The following CIITA variants were observed in gnomAD, a reference collection of about 807,000 sequenced individuals.
CIITA encodes the protein class II major histocompatibility complex transactivator.
In CIITA, 72 loss-of-function variants were observed where a neutral mutation model predicts 115.1. That is an observed-to-expected ratio of 0.63 (90% CI 0.52 to 0.76). The LOEUF (loss-of-function observed/expected upper bound fraction) is 0.76. Among genes scored for constraint, CIITA ranks in the 30% least tolerant of loss-of-function variants. The pLI is 0.00. For synonymous variants in CIITA, 763 were observed against 635.6 expected, an observed-to-expected ratio of 1.20 and a Z score of -3.02; for missense variants, 1,617 against 1,463.8, an observed-to-expected ratio of 1.10 and a Z score of -1.71.
At chr16:10,893,804 T>TAAAAA (rs71136603) in intron 1 of CIITA, among the ~76,000 whole-genome samples, 393 of 32,152 alleles carry the variant, frequency 0.012, 47 homozygotes, top group African/African-American at 0.029. Context: ...GACTCCGTCT[T>TAAAAA]AAAAAAAAAA....
intron 10 of CIITA, among the ~76,000 whole-genome samples, chr16:10,905,957 C>A (rs752539791): frequency 3.9e-5 from 6 of 152,090 alleles, no homozygotes; most frequent in African/African-American, 1.2e-4. Flanking sequence ...GAGGCCAAGG[C>A]GGAACGATTG....
At chr16:10,909,213 G>C (rs545038234) in intron 12 of CIITA, 26 bp downstream of exon 12, 3 of 1,612,236 alleles carry the variant, frequency 1.9e-6, no homozygotes, top group African/African-American at 1.3e-5. Context: ...GATGGGAGGT[G>C]GTTCACGCCA....
chr16:10,896,980 A>G (rs570729331), intron 3 of CIITA, among the ~76,000 whole-genome samples: 1 of 152,266 alleles, frequency 6.6e-6, no homozygotes, highest in Non-Finnish European at 1.5e-5. Flanking sequence ...GGACATTCAC[A>G]TTTCCTCACA....
rs556126398 is a variant in CIITA, at chr16:10,871,576, G to A, written c.-21+5257G>A. Among the ~76,000 whole-genome samples, 12 of 152,246 alleles carry A rather than the reference G, an allele frequency of 7.9e-5. No homozygotes were observed. In the East Asian group the frequency reaches 2.3e-3, roughly 29 times the overall value. ...GTCGCCTGATTTATTGGAAAGGGAG[G>A]AACACCCCACCCTTAGGGATCGCTA... is the stretch of plus-strand genomic sequence containing the variant. On this transcript the variant is annotated intron_variant, in intron 1 of 5. Transcript: ENST00000636238.
At chr16:10,909,530 C>T (rs1470058464) in intron 12 of CIITA, among the ~76,000 whole-genome samples, 1 of 152,210 alleles carries the variant, frequency 6.6e-6, no homozygotes, top group Admixed American at 6.5e-5. Context: ...TTTAGGACAA[C>T]TGTTGTCCCA....
rs760001389 is a variant in CIITA at position 10,942,000 on chromosome 16, G to A, written n.1126G>A. ...CCAGGTGGGCCGCGACCCGGGCGCC[G>A]AGCATGCAGCGGGTGGCAAGGGCGG... On this transcript the variant is annotated non_coding_transcript_exon_variant, in exon 2 of 2. Coordinates refer to the CIITA transcript ENST00000573379. This position sits in a 1 kb window ranked among gnomAD's most constrained non-coding sequence, Gnocchi z 6.4. 36 of 1,462,658 alleles carry A rather than the reference G, an allele frequency of 2.5e-5. No individual in the cohort carries two copies. In the Admixed American group the frequency reaches 7.4e-4, roughly 30 times the overall value. 90.6% of individuals were successfully genotyped at this position (1,462,658 alleles called of 1,614,324 possible).
rs1567451369 is a variant in CIITA at position 10,923,168 on chromosome 16, T to C, written c.3318-60T>C. On this transcript the variant is annotated intron_variant, in intron 18 of 19. Transcript: ENST00000324288. This position sits in a 1 kb window ranked among gnomAD's most constrained non-coding sequence, Gnocchi z 5.2. ...GGAGGGATTTGGGGGCAGCTGTCAC[T>C]GGGGCCCCAGGCCGCCCTCTCTCCT... is the stretch of plus-strand genomic sequence containing the variant. 4 of 1,488,896 alleles carry C rather than the reference T, an allele frequency of 2.7e-6. No individual in the cohort carries two copies. Among genetic ancestry groups the C allele is most frequent in the African/African-American group, 1.4e-5 (1 of 72,450 alleles). 92.2% of individuals were successfully genotyped at this position (1,488,896 alleles called of 1,614,324 possible). A position where few individuals can be genotyped will look rare whatever the true frequency, so the allele number is the denominator to read the frequency against.
upstream of CIITA, among the ~76,000 whole-genome samples, chr16:10,875,708 G>A (rs919119467): frequency 4.6e-5 from 7 of 152,010 alleles, no homozygotes; most frequent in African/African-American, 1.7e-4. Context: ...ATCTCACTCT[G>A]TTGCCCAGGC....
At chr16:10,905,192 T>C (rs1448520891) in intron 10 of CIITA, among the ~76,000 whole-genome samples, 4 of 152,204 alleles carry the variant, frequency 2.6e-5, no homozygotes, top group African/African-American at 9.7e-5. Context: ...AATTACTAAA[T>C]GCTTACTCTC....
In CIITA at chr16:10,901,876, C is replaced by G; in HGVS notation, c.482-162C>G. 9.6e-7 allele frequency: 1 copy of G among 1,039,240 alleles called. No homozygotes were observed. The allele number at this position is 1,039,240 out of a possible 1,614,324, so 64.4% of individuals were successfully genotyped here. On this transcript the variant is annotated intron_variant, in intron 6 of 19. Coordinates refer to ENST00000324288, the MANE Select transcript of CIITA (RefSeq NM_000246.4). The surrounding 1 kb of genome is among the most constrained non-coding windows in gnomAD (Gnocchi z 6.8). ...CACAAGGAGAGGACTGGGGGACTGCCTGGCACAGAGCAGTTGCTGATCAAC... is the reference window on the plus strand; with the variant it reads ...CACAAGGAGAGGACTGGGGGACTGCGTGGCACAGAGCAGTTGCTGATCAAC...
rs374803316 is a variant in CIITA, at chr16:10,906,904, C to G, written c.1412C>G (p.Ser471Cys). The G allele has an allele frequency of 4.3e-6, 7 of 1,613,404 alleles. No homozygotes were observed. In the African/African-American group the frequency reaches 8.0e-5, roughly 18 times the overall value. ...DAYGLQDLLF[S>C]LGPQPLVAAD... is the part of the protein sequence containing the mutation. ...TATGGCCTGCAGGATCTGCTCTTCT[C>G]CCTGGGCCCACAGCCACTCGTGGCG... The change falls in exon 11 of 20, where the codon TCC becomes TGC. Residue 471 changes from serine (S) to cysteine (C), a missense_variant. Transcript: ENST00000324288.
chr16:10,906,463 C>G, intron 10 of CIITA, 36 bp from the exon 11 acceptor site: 1 of 1,609,542 alleles, frequency 6.2e-7, no homozygotes. Context: ...CTGCCTCTCA[C>G]ATACCCCCAC....
rs1291346764 is a variant in CIITA, at chr16:10,929,703, C to G, written c.*5848C>G. 4.0e-6 allele frequency: 1 copy of G among 252,030 alleles called. No homozygotes were observed. Among genetic ancestry groups the G allele is most frequent in the African/African-American group, 2.3e-5 (1 of 43,354 alleles). 15.6% of individuals were successfully genotyped at this position (252,030 alleles called of 1,614,324 possible). A position where few individuals can be genotyped will look rare whatever the true frequency, so the allele number is the denominator to read the frequency against. ...TCCTCCATCCCTCAAATTTAGGGAA[C>G]CACTGGGAGCCCCAGACTCAGGCTG... On this transcript the variant is annotated 3_prime_UTR_variant, in exon 20 of 20. Coordinates refer to ENST00000324288, the MANE Select transcript of CIITA (RefSeq NM_000246.4). This position sits in a 1 kb window ranked among gnomAD's most constrained non-coding sequence, Gnocchi z 4.3.
intron 2 of CIITA, 119 bp downstream of exon 2, chr16:10,895,547 C>A (rs1318365956): frequency 1.3e-6 from 2 of 1,557,182 alleles, no homozygotes; most frequent in Non-Finnish European, 1.8e-6. Context: ...ACAGCTCCCA[C>A]GTCTGTGGGA....
At chr16:10,914,931 G>T in intron 13 of CIITA, 1 of 368,682 alleles carries the variant, frequency 2.7e-6, no homozygotes, top group Non-Finnish European at 5.5e-6. Context: ...CCTTCCCCAG[G>T]CTGCGGCGGG....
intron 15 of CIITA, 179 bp downstream of exon 15, chr16:10,916,638 A>G (rs901478517): frequency 1.7e-4 from 108 of 646,006 alleles, no homozygotes; most frequent in Admixed American, 1.4e-3. Flanking sequence ...GAATCTCCTC[A>G]CCTCCGCTTC....
chr16:10,872,633 C>T (rs776224254), upstream of CIITA, among the ~76,000 whole-genome samples: 6 of 152,252 alleles, frequency 3.9e-5, no homozygotes, highest in Admixed American at 2.6e-4. Context: ...AATCCATCAG[C>T]AGGTCCAGGT....
chr16:10,923,423 G>A lies in CIITA; in HGVS notation c.*22+98G>A. On this transcript the variant is annotated intron_variant, in intron 19 of 19. Coordinates refer to ENST00000324288, the MANE Select transcript of CIITA (RefSeq NM_000246.4). The surrounding 1 kb of genome is among the most constrained non-coding windows in gnomAD (Gnocchi z 5.2). The stretch of plus-strand genomic sequence containing the variant: ...AAAAATGTGGGCGGGACACAGGTGG[G>A]GCTAGGCCACCACCCTTGGACGCAT... 1 of 941,190 alleles carries A rather than the reference G, an allele frequency of 1.1e-6. No homozygotes were observed. Among genetic ancestry groups the A allele is most frequent in the Non-Finnish European group, 1.7e-6 (1 of 585,760 alleles). The allele number at this position is 941,190 out of a possible 1,614,324, so 58.3% of individuals were successfully genotyped here. A position where few individuals can be genotyped will look rare whatever the true frequency, so the allele number is the denominator to read the frequency against.
At position 10,929,224 on chromosome 16, in the gene CIITA, G is replaced by A. The variant is rs914353414; in HGVS notation, c.*5369G>A. 42 of 985,738 alleles carry A rather than the reference G, an allele frequency of 4.3e-5. No homozygotes were observed. Among genetic ancestry groups the A allele is most frequent in the Admixed American group, 6.2e-5 (1 of 16,260 alleles). The allele number at this position is 985,738 out of a possible 1,614,324, so 61.1% of individuals were successfully genotyped here. On this transcript the variant is annotated 3_prime_UTR_variant, in exon 20 of 20. Transcript: ENST00000324288. The surrounding 1 kb of genome is among the most constrained non-coding windows in gnomAD (Gnocchi z 4.3). ...CCTGAAGGCTCAACTCACATCAAAC[G>A]GAGCTGGGAGTCGCTTTTGCGTGTG... is the stretch of plus-strand genomic sequence containing the variant.
Sources: allele counts gnomAD v4.1 joint callset (sites outside exome capture counted in the v4.1 genomes callset), GRCh38; gene constraint gnomAD v4.1.1; non-coding constraint Gnocchi (gnomAD v3.1); transcripts MANE v1.5; gene names NCBI Gene and HGNC (gene_info 2026-07-23, HGNC 2026-07-21).